KDM4C: variants seen among roughly 807,000 people sequenced by gnomAD.
KDM4C encodes lysine demethylase 4C, also known as lysine-specific demethylase 4C.
Under a neutral mutation model 129.3 loss-of-function variants are expected in KDM4C, and 81 were observed. That is an observed-to-expected ratio of 0.63 (90% CI 0.52 to 0.75). KDM4C has a LOEUF of 0.75. Among genes scored for constraint, KDM4C ranks in the 30% least tolerant of loss-of-function variants. The pLI, the probability that KDM4C is intolerant of heterozygous loss-of-function variation, is 0.00. For synonymous variants in KDM4C, 573 were observed against 456.1 expected (o/e 1.26, Z -3.26); for missense variants, 1,457 against 1,304.0 (o/e 1.12, Z -1.81).
At chr9:7,101,958 A>G (rs7872996) in intron 17 of KDM4C, among the ~76,000 whole-genome samples, 4,435 of 152,302 alleles carry the variant, frequency 0.029, 178 homozygotes, top group African/African-American at 0.1. Flanking sequence ...GGAACTGACA[A>G]AAAGATACCA....
At chr9:6,809,165 T>G (rs1344506456) in intron 3 of KDM4C, among the ~76,000 whole-genome samples, 1 of 152,230 alleles carries the variant, frequency 6.6e-6, no homozygotes, top group Non-Finnish European at 1.5e-5. Context: ...AATTTTATAT[T>G]TGATATAATT....
chr9:7,006,575 T>C (rs1821713202), intron 12 of KDM4C, among the ~76,000 whole-genome samples: 1 of 152,116 alleles, frequency 6.6e-6, no homozygotes, highest in Non-Finnish European at 1.5e-5. Context: ...GGGAGGGTTG[T>C]AAGCAGGCTG....
At chr9:7,003,371 T>G (rs1821083693) in intron 12 of KDM4C, among the ~76,000 whole-genome samples, 1 of 152,050 alleles carries the variant, frequency 6.6e-6, no homozygotes, top group African/African-American at 2.4e-5. Context: ...TCAGCCACGC[T>G]GGTAATGCCA....
At chr9:7,012,612 C>T (rs818879) in intron 13 of KDM4C, among the ~76,000 whole-genome samples, 14,984 of 152,186 alleles carry the variant, frequency 0.098, 940 homozygotes, top group Middle Eastern at 0.18. Flanking sequence ...CTAAATTTTC[C>T]AGTTCATCCT....
At chr9:6,753,136 C>G (rs1366978056), upstream of KDM4C, among the ~76,000 whole-genome samples, 2 of 152,198 alleles carry the variant, frequency 1.3e-5, no homozygotes, top group African/African-American at 4.8e-5. Flanking sequence ...TGGCACAAAT[C>G]CTAATCCTTA....
intron 1 of KDM4C, among the ~76,000 whole-genome samples, chr9:6,726,072 G>A (rs1817118605): frequency 6.6e-6 from 1 of 151,806 alleles, no homozygotes; most frequent in Non-Finnish European, 1.5e-5. Context: ...GATTACAGGT[G>A]CACACCACCA....
Position 6,801,550 on chromosome 9 carries a change from TA to T in KDM4C, c.145-4039del, listed in dbSNP as rs558136132. Among the ~76,000 whole-genome samples, 273 of 145,470 alleles carry T rather than the reference TA, an allele frequency of 1.9e-3. 2 individuals are homozygous for T. Among genetic ancestry groups the T allele is most frequent in the Middle Eastern group, 0.011 (3 of 274 alleles). On this transcript the variant is annotated intron_variant, in intron 2 of 21. Transcript: ENST00000381309. ...CCGTGCCCAGCCTGACCTTGTCTCT[TA>T]AAAAAAAAAGATTGGAGGGCAAGTT...
chr9:7,144,177 T>C (rs1185754985), intron 19 of KDM4C, among the ~76,000 whole-genome samples: 14 of 151,906 alleles, frequency 9.2e-5, no homozygotes, highest in Non-Finnish European at 1.8e-4. Flanking sequence ...TCTCAAACTA[T>C]TGGGCTCAAG....
At chr9:6,845,329 C>T (rs1470180318) in intron 4 of KDM4C, among the ~76,000 whole-genome samples, 4 of 152,182 alleles carry the variant, frequency 2.6e-5, no homozygotes, top group Non-Finnish European at 4.4e-5. Flanking sequence ...ATCCTCCCAT[C>T]TCAGCCTTCC....
intron 17 of KDM4C, among the ~76,000 whole-genome samples, chr9:7,065,795 G>C (rs1179646319): frequency 6.6e-6 from 1 of 152,150 alleles, no homozygotes; most frequent in Non-Finnish European, 1.5e-5. Flanking sequence ...AGTGTCACTT[G>C]TTGATGCATT....
intron 4 of KDM4C, among the ~76,000 whole-genome samples, chr9:6,841,677 G>C (rs1311233344): frequency 1.3e-5 from 2 of 152,178 alleles, no homozygotes; most frequent in African/African-American, 4.8e-5. Flanking sequence ...TGCTTCCACA[G>C]TCTCCGTGTT....
intron 1 of KDM4C, among the ~76,000 whole-genome samples, chr9:6,747,124 T>C (rs1017750730): frequency 6.6e-6 from 1 of 150,448 alleles, no homozygotes; most frequent in Non-Finnish European, 1.5e-5. Context: ...GCCCAGGGAG[T>C]TGGGGCTGCC....
At chr9:7,126,514 G>A (rs1042205497) in intron 18 of KDM4C, among the ~76,000 whole-genome samples, 1 of 152,166 alleles carries the variant, frequency 6.6e-6, no homozygotes, top group Non-Finnish European at 1.5e-5. Context: ...ATATGGAATA[G>A]AGGGAGGCAA....
At chr9:6,958,131 G>A (rs1002186280) in intron 8 of KDM4C, among the ~76,000 whole-genome samples, 1 of 150,838 alleles carries the variant, frequency 6.6e-6, no homozygotes, top group African/African-American at 2.4e-5. Context: ...TTTTATTGCA[G>A]GGACAGAAAG....
intron 8 of KDM4C, among the ~76,000 whole-genome samples, chr9:6,932,793 G>A (rs962793248): frequency 5.3e-5 from 8 of 152,178 alleles, no homozygotes; most frequent in African/African-American, 1.9e-4. Context: ...AGGTGCCAAT[G>A]GCATCAGCGG....
chr9:6,954,006 G>A (rs765592486), intron 8 of KDM4C, among the ~76,000 whole-genome samples: 17 of 152,070 alleles, frequency 1.1e-4, no homozygotes, highest in Non-Finnish European at 2.2e-4. Flanking sequence ...AGTAGCTGTC[G>A]GGGGTCAGCA....
chr9:6,846,599 T>C (rs1343011295), intron 4 of KDM4C, among the ~76,000 whole-genome samples: 1 of 152,244 alleles, frequency 6.6e-6, no homozygotes, highest in Non-Finnish European at 1.5e-5. Flanking sequence ...TAATTGAAAT[T>C]ATATGACTTT....
At chr9:6,784,783 C>G (rs980268201) in intron 1 of KDM4C, among the ~76,000 whole-genome samples, 1 of 152,182 alleles carries the variant, frequency 6.6e-6, no homozygotes, top group African/African-American at 2.4e-5. Context: ...CAGGGAGTTT[C>G]TTTGCTGTGT....
chr9:6,987,119 G>T (rs969246044), intron 11 of KDM4C, among the ~76,000 whole-genome samples: 1 of 152,060 alleles, frequency 6.6e-6, no homozygotes, highest in South Asian at 2.1e-4. Flanking sequence ...CATCTGCTGG[G>T]CACTGATCAC....
Sources: allele counts gnomAD v4.1 joint callset (sites outside exome capture counted in the v4.1 genomes callset), GRCh38; gene constraint gnomAD v4.1.1; transcripts MANE v1.5; gene names NCBI Gene and HGNC (gene_info 2026-07-23, HGNC 2026-07-21).